The following LRRC40 variants were observed in gnomAD, a reference collection of about 807,000 sequenced individuals.
LRRC40 encodes leucine-rich repeat-containing protein 40.
In LRRC40, 76 loss-of-function variants were observed where a neutral mutation model predicts 72.8. The observed-to-expected ratio is 1.04, with a 90% CI of 0.87 to 1.26. LRRC40 has a LOEUF of 1.26. Ranked by LOEUF, LRRC40 falls within the 50% of genes most tolerant of loss-of-function variation. LRRC40 has a pLI of 0.00. For synonymous variants in LRRC40, 243 were observed against 254.2 expected (o/e 0.96, Z 0.42); for missense variants, 684 against 698.9 (o/e 0.98, Z 0.24).
At chr1:70,158,327 T>C (rs1417103732) in intron 10 of LRRC40, among the ~76,000 whole-genome samples, 1 of 152,048 alleles carries the variant, frequency 6.6e-6, no homozygotes, top group Non-Finnish European at 1.5e-5. Flanking sequence ...TTCCTACTGA[T>C]ACATTAAGGA....
At chr1:70,182,580 T>C (rs918730338) in intron 4 of LRRC40, among the ~76,000 whole-genome samples, 8 of 151,812 alleles carry the variant, frequency 5.3e-5, no homozygotes, top group African/African-American at 1.9e-4. Flanking sequence ...AAAACCCAAA[T>C]AATTCTAATA....
At chr1:70,180,196 G>A (rs943499916) in intron 5 of LRRC40, 2 of 152,094 alleles carry the variant, frequency 1.3e-5, no homozygotes, top group African/African-American at 4.8e-5. Flanking sequence ...GATATTCAAA[G>A]GGGCAATCCC....
chr1:70,196,042 C>T (rs901881526), intron 1 of LRRC40, among the ~76,000 whole-genome samples: 4 of 151,958 alleles, frequency 2.6e-5, no homozygotes, highest in African/African-American at 9.7e-5. Context: ...GATCCATCAT[C>T]TTATCTCACC....
chr1:70,196,607 G>C (rs1668617522), intron 1 of LRRC40, among the ~76,000 whole-genome samples: 1 of 151,678 alleles, frequency 6.6e-6, no homozygotes, highest in Non-Finnish European at 1.5e-5. Context: ...TCAAAAACAT[G>C]ATTCTAAACA....
chr1:70,191,840 T>C (rs531659773), intron 1 of LRRC40, among the ~76,000 whole-genome samples: 2 of 152,328 alleles, frequency 1.3e-5, no homozygotes, highest in South Asian at 2.1e-4. Context: ...GAGTTGGATA[T>C]TATAAAAAAT....
chr1:70,188,936 C>T (rs780606002), intron 2 of LRRC40, among the ~76,000 whole-genome samples, 156 bp downstream of exon 2: 2 of 152,090 alleles, frequency 1.3e-5, no homozygotes, highest in Non-Finnish European at 2.9e-5. Context: ...GTGTTCTGAT[C>T]CTGCACTTTT....
chr1:70,162,855 A>T (rs75442353), intron 9 of LRRC40, among the ~76,000 whole-genome samples: 1 of 152,208 alleles, frequency 6.6e-6, no homozygotes, highest in Non-Finnish European at 1.5e-5. Flanking sequence ...GAAACTAAAA[A>T]TATGATTCCA....
intron 9 of LRRC40, among the ~76,000 whole-genome samples, chr1:70,169,169 G>A (rs1251362181): frequency 6.6e-5 from 10 of 151,956 alleles, no homozygotes; most frequent in African/African-American, 1.9e-4. Flanking sequence ...CAAATACCTC[G>A]CTCTGTACAC....
At chr1:70,191,573 A>G (rs1182623029) in intron 1 of LRRC40, among the ~76,000 whole-genome samples, 3 of 152,140 alleles carry the variant, frequency 2.0e-5, no homozygotes, top group Admixed American at 6.6e-5. Context: ...TTGCTTTTCC[A>G]TAAACAATTA....
intron 1 of LRRC40, among the ~76,000 whole-genome samples, chr1:70,190,390 A>G (rs1668466378): frequency 1.3e-5 from 2 of 152,024 alleles, no homozygotes; most frequent in South Asian, 4.1e-4. Flanking sequence ...CTCACTGAAA[A>G]AATGAGCTAG....
At chr1:70,157,759 A>G (rs1256241644) in intron 10 of LRRC40, among the ~76,000 whole-genome samples, 2 of 152,196 alleles carry the variant, frequency 1.3e-5, no homozygotes, top group African/African-American at 4.8e-5. Context: ...GATACTTAGT[A>G]GACTCCAAAA....
At chr1:70,184,978 CA>C (rs1668329321) in intron 3 of LRRC40, 64 bp from the exon 4 acceptor site, 1 of 1,378,058 alleles carries the variant, frequency 7.3e-7, no homozygotes, top group Admixed American at 2.0e-5. Context: ...TTATCAAAGA[CA>C]TTTCTTGCTA....
At chr1:70,195,189 A>G (rs1444670579) in intron 1 of LRRC40, among the ~76,000 whole-genome samples, 1 of 152,096 alleles carries the variant, frequency 6.6e-6, no homozygotes, top group Non-Finnish European at 1.5e-5. Context: ...GTTCATCATA[A>G]AAGAAAAACA....
At chr1:70,164,473 A>T (rs550040268) in intron 9 of LRRC40, among the ~76,000 whole-genome samples, 1 of 152,302 alleles carries the variant, frequency 6.6e-6, no homozygotes, top group East Asian at 1.9e-4. Flanking sequence ...AAAGACCACA[A>T]TTCTCAGTAC....
intron 7 of LRRC40, among the ~76,000 whole-genome samples, chr1:70,174,805 G>A (rs764749294): frequency 6.6e-6 from 1 of 152,070 alleles, no homozygotes; most frequent in Non-Finnish European, 1.5e-5. Context: ...AAAGGTATGA[G>A]GAAACTTTTT....
chr1:70,159,988 C>T (rs571007275), intron 9 of LRRC40, among the ~76,000 whole-genome samples: 185 of 152,162 alleles, frequency 1.2e-3, no homozygotes, highest in African/African-American at 4.3e-3. Context: ...TAGATATTTT[C>T]CTAACATGCT....
chr1:70,173,822 A>G (rs1668048203), intron 7 of LRRC40, 113 bp from the exon 8 acceptor site: 3 of 525,778 alleles, frequency 5.7e-6, no homozygotes, highest in South Asian at 7.2e-5. Flanking sequence ...AGTCTCAAAG[A>G]AAGGCCAAGT....
At chr1:70,161,532 G>A (rs1348036657) in intron 9 of LRRC40, among the ~76,000 whole-genome samples, 2 of 147,564 alleles carry the variant, frequency 1.4e-5, no homozygotes, top group African/African-American at 5.0e-5. Flanking sequence ...CTGGGCGACA[G>A]AGCAAGGCTC....
At chr1:70,173,750 T>C (rs1445778826) in intron 7 of LRRC40, 41 bp from the exon 8 acceptor site, 1 of 961,850 alleles carries the variant, frequency 1.0e-6, no homozygotes, top group South Asian at 1.6e-5. Flanking sequence ...GCATCAAATA[T>C]AAGTATACTC....
Sources: gnomAD v4.1 joint callset for allele counts (sites outside exome capture counted in the v4.1 genomes callset) on GRCh38, gnomAD v4.1.1 for gene constraint, MANE v1.5 for transcripts, NCBI Gene and HGNC (gene_info 2026-07-23, HGNC 2026-07-21) for gene names.